Variants in MACO1 observed in about 807,000 individuals in gnomAD.
MACO1 encodes the protein macoilin.
Under a neutral mutation model 78.7 loss-of-function variants are expected in MACO1, and 14 were observed. The ratio of observed to expected loss-of-function variants is 0.18; its 90% CI spans 0.12 to 0.28. The LOEUF is 0.28. MACO1 is among the 10% of genes least tolerant of loss of function. MACO1 has a pLI of 1.00. For synonymous variants in MACO1, 288 were observed against 291.6 expected (o/e 0.99, Z 0.12); for missense variants, 501 against 799.0 (o/e 0.63, Z 4.50).
chr1:25,482,019 T>C (rs753103359), intron 6 of MACO1, among the ~76,000 whole-genome samples: 1 of 152,210 alleles, frequency 6.6e-6, no homozygotes, highest in African/African-American at 2.4e-5. Flanking sequence ...TGAGTAAGCG[T>C]TGATCACTGT....
intron 1 of MACO1, among the ~76,000 whole-genome samples, chr1:25,445,167 C>T (rs1026289690): frequency 2.7e-5 from 4 of 147,812 alleles, no homozygotes; most frequent in South Asian, 2.1e-4. Flanking sequence ...AACATGGTGG[C>T]GCATGCCTAT....
At chr1:25,487,247 A>G (rs763500184) in intron 8 of MACO1, among the ~76,000 whole-genome samples, 6 of 152,040 alleles carry the variant, frequency 3.9e-5, no homozygotes, top group Non-Finnish European at 7.4e-5. Flanking sequence ...TTTGCCACCC[A>G]GGTTCAAGCG....
intron 1 of MACO1, among the ~76,000 whole-genome samples, chr1:25,435,613 C>T (rs1196798528): frequency 1.3e-5 from 2 of 152,176 alleles, no homozygotes; most frequent in Non-Finnish European, 2.9e-5. Flanking sequence ...TGACCCTTGG[C>T]TGCCTTGATT....
intron 4 of MACO1, 129 bp from the exon 5 acceptor site, chr1:25,456,524 G>A (rs2043122877): frequency 1.1e-6 from 1 of 914,692 alleles, no homozygotes. Flanking sequence ...TCTAGTGAAT[G>A]CTCTTCTCAA....
At chr1:25,443,273 A>T (rs2042987463) in intron 1 of MACO1, among the ~76,000 whole-genome samples, 1 of 152,242 alleles carries the variant, frequency 6.6e-6, no homozygotes, top group Admixed American at 6.5e-5. Flanking sequence ...GGCTAAGTGA[A>T]TACTGAATCA....
chr1:25,489,592 A>G (rs1453471476), intron 9 of MACO1, among the ~76,000 whole-genome samples: 12 of 151,926 alleles, frequency 7.9e-5, no homozygotes. Flanking sequence ...AGGCCAGATT[A>G]GTGTCCTTTG....
intron 5 of MACO1, among the ~76,000 whole-genome samples, chr1:25,457,988 C>T (rs896311023): frequency 1.3e-5 from 2 of 152,074 alleles, no homozygotes; most frequent in Admixed American, 6.6e-5. Flanking sequence ...ATTAACAGTT[C>T]GTTTACTCCA....
intron 4 of MACO1, among the ~76,000 whole-genome samples, chr1:25,456,164 A>G (rs986133903): frequency 2.0e-5 from 3 of 151,902 alleles, no homozygotes; most frequent in African/African-American, 7.3e-5. Flanking sequence ...AGGCTGAGGC[A>G]GGAGAATCAC....
In MACO1 at chr1:25,461,726, G is replaced by A. The variant is rs1484010197; in HGVS notation, c.1154+2834G>A. Among the ~76,000 whole-genome samples, 3 of 152,038 alleles carry A rather than the reference G, an allele frequency of 2.0e-5. No individual in the cohort carries two copies. In the East Asian group the frequency reaches 5.8e-4, roughly 29 times the overall value. ...AAAGAATATGGGGAAGTATGTCAAA[G>A]CATTTCATGAATAAAGGAGAAAGCA... On this transcript the variant is annotated intron_variant, in intron 6 of 10. Coordinates refer to ENST00000374343, the MANE Select transcript of MACO1 (RefSeq NM_018202.6).
chr1:25,497,394 A>AAG (rs895465478), intron 10 of MACO1, among the ~76,000 whole-genome samples: 3 of 151,620 alleles, frequency 2.0e-5, no homozygotes, highest in African/African-American at 7.3e-5. Context: ...AAAAAAAAAA[A>AAG]AGAATTTAGG....
At chr1:25,440,230 C>CAA (rs35841483) in intron 1 of MACO1, among the ~76,000 whole-genome samples, 3 of 95,862 alleles carry the variant, frequency 3.1e-5, no homozygotes, top group African/African-American at 8.2e-5. Context: ...CCCATCTCTA[C>CAA]AAAAAAAAAA....
chr1:25,498,130 G>C, intron 10 of MACO1, 134 bp from the exon 11 acceptor site: 1 of 792,518 alleles, frequency 1.3e-6, no homozygotes, highest in South Asian at 1.7e-5. Context: ...TACAGGACAA[G>C]TTTGCCTGCT....
Position 25,448,850 on chromosome 1 carries a change from A to G in MACO1, c.265A>G (p.Ile89Val). The change falls in exon 3 of 11, where the codon ATA becomes GTA. Residue 89 changes from isoleucine (I) to valine (V), a missense_variant. Ile to Val is a conservative substitution (Grantham distance 29). Transcript: ENST00000374343. ...TGTTTGTGTAGCATTCACGTCAAAT[A>G]TAATATGCCTGCTGTTCATCCCCAT... ...FFVCVAFTSN[I>V]ICLLFIPIQW... is the part of the protein sequence containing the mutation. 1.3e-6 allele frequency: 2 copies of G among 1,562,894 alleles called. No homozygotes were observed. The highest frequency in any genetic ancestry group is 1.7e-6 in the Non-Finnish European group (2 of 1,145,136).
intron 6 of MACO1, among the ~76,000 whole-genome samples, chr1:25,463,510 AC>A (rs2043189533): frequency 6.6e-6 from 1 of 152,236 alleles, no homozygotes; most frequent in South Asian, 2.1e-4. Context: ...ATATTTAAAA[AC>A]AGACTTAATG....
Position 25,485,867 on chromosome 1 carries a change from T to A in MACO1, c.1496+72T>A. 1 of 1,518,898 alleles carries A rather than the reference T, an allele frequency of 6.6e-7. No homozygotes were observed. Among genetic ancestry groups the A allele is most frequent in the Non-Finnish European group, 8.9e-7 (1 of 1,122,456 alleles). The allele number at this position is 1,518,898 out of a possible 1,614,324, so 94.1% of individuals were successfully genotyped here. On this transcript the variant is annotated intron_variant, in intron 8 of 10. Transcript: ENST00000374343. The surrounding 1 kb of genome is among the most constrained non-coding windows in gnomAD (Gnocchi z 4.3). ...TACCAACAAAGACATGGGAATTTGG[T>A]GCCTTGGGCAGGATTGGACGTACAG...
At chr1:25,488,803 A>G (rs2043457679) in intron 8 of MACO1, among the ~76,000 whole-genome samples, 1 of 151,732 alleles carries the variant, frequency 6.6e-6, no homozygotes, top group Non-Finnish European at 1.5e-5. Flanking sequence ...GTCTTTTTTA[A>G]AATTTTATTT....
intron 1 of MACO1, among the ~76,000 whole-genome samples, chr1:25,438,570 T>A (rs2042940100): frequency 6.6e-6 from 1 of 152,226 alleles, no homozygotes; most frequent in South Asian, 2.1e-4. Flanking sequence ...TGTGGAACTC[T>A]ATGTTGCTGC....
chr1:25,446,067 C>T (rs1295178912), intron 1 of MACO1, among the ~76,000 whole-genome samples: 1 of 152,078 alleles, frequency 6.6e-6, no homozygotes, highest in Non-Finnish European at 1.5e-5. Context: ...AACACAAGTC[C>T]AGAGGGAACT....
At chr1:25,442,718 G>A (rs188943586) in intron 1 of MACO1, among the ~76,000 whole-genome samples, 3 of 151,774 alleles carry the variant, frequency 2.0e-5, no homozygotes, top group Admixed American at 6.6e-5. Context: ...AGAATGGGGG[G>A]AAACCTTATA....
Sources: allele counts gnomAD v4.1 joint callset (sites outside exome capture counted in the v4.1 genomes callset), GRCh38; gene constraint gnomAD v4.1.1; non-coding constraint Gnocchi (gnomAD v3.1); transcripts MANE v1.5; gene names NCBI Gene and HGNC (gene_info 2026-07-23, HGNC 2026-07-21).